Variants in DAB1 observed in about 807,000 individuals in gnomAD.
DAB1 encodes DAB adaptor protein 1, also known as disabled homolog 1.
A neutral mutation model predicts 64.6 loss-of-function variants in DAB1; 15 were observed. The ratio of observed to expected loss-of-function variants is 0.23; its 90% confidence interval spans 0.16 to 0.36. The LOEUF (loss-of-function observed/expected upper bound fraction) is 0.36. DAB1 is among the 10% of genes least tolerant of loss of function. The pLI, the probability that DAB1 is intolerant of heterozygous loss-of-function variation, is 1.00. For synonymous variants in DAB1, 235 were observed against 251.9 expected (o/e 0.93, Z 0.64); for missense variants, 596 against 706.7 (o/e 0.84, Z 1.78).
chr1:57,615,095 C>A (rs1645775926), intron 7 of DAB1, among the ~76,000 whole-genome samples: 1 of 152,016 alleles, frequency 6.6e-6, no homozygotes, highest in Non-Finnish European at 1.5e-5. Flanking sequence ...TGGTCTTGAT[C>A]TCCTGACCTC....
At chr1:58,134,982 A>C (rs999150265) in intron 5 of DAB1, among the ~76,000 whole-genome samples, 1 of 152,222 alleles carries the variant, frequency 6.6e-6, no homozygotes, top group African/African-American at 2.4e-5. Flanking sequence ...AGCTGGCTTC[A>C]TGTGGAGATG....
chr1:57,318,000 AT>A (rs1317056955), intron 1 of DAB1, among the ~76,000 whole-genome samples: 1 of 152,084 alleles, frequency 6.6e-6, no homozygotes, highest in Admixed American at 6.6e-5. Context: ...TTTACAGTCA[AT>A]GCCATTTGTA....
chr1:58,489,895 G>A (rs541361765), intron 3 of DAB1, among the ~76,000 whole-genome samples: 1 of 152,244 alleles, frequency 6.6e-6, no homozygotes, highest in African/African-American at 2.4e-5. Context: ...ACTGTTAGAA[G>A]GAAAACTAAC....
At chr1:57,155,554 A>AT (rs1013667146) in intron 2 of DAB1, among the ~76,000 whole-genome samples, 33 of 147,934 alleles carry the variant, frequency 2.2e-4, no homozygotes, top group East Asian at 8.0e-4. Flanking sequence ...AAATTTTAGG[A>AT]TTTTTTTTTC....
chr1:58,379,208 CA>C (rs554564228), intron 3 of DAB1, among the ~76,000 whole-genome samples: 2 of 152,046 alleles, frequency 1.3e-5, no homozygotes, highest in South Asian at 4.2e-4. Context: ...TCCTCCCCCC[CA>C]GCTTACTATT....
At chr1:57,799,140 T>C (rs1033005861) in intron 6 of DAB1, among the ~76,000 whole-genome samples, 1 of 152,176 alleles carries the variant, frequency 6.6e-6, no homozygotes, top group Non-Finnish European at 1.5e-5. Flanking sequence ...TGGGTATACA[T>C]TTTTATCAAA....
chr1:57,779,274 G>A (rs1649956979), intron 6 of DAB1, among the ~76,000 whole-genome samples: 1 of 152,042 alleles, frequency 6.6e-6, no homozygotes, highest in African/African-American at 2.4e-5. Flanking sequence ...AGAAGAATCA[G>A]CAACTGCAAG....
intron 3 of DAB1, among the ~76,000 whole-genome samples, chr1:58,413,210 T>C (rs1157976590): frequency 6.6e-6 from 1 of 152,232 alleles, no homozygotes; most frequent in Non-Finnish European, 1.5e-5. Flanking sequence ...GGCAAGATGT[T>C]AGTCCAAGGG....
chr1:58,525,796 A>T lies in DAB1; in HGVS notation n.107+1465T>A, dbSNP rs559831674. The stretch of plus-strand genomic sequence containing the variant: ...CTGCAGAACAACACTGGAGGACAGA[A>T]GCTTCAGGTATCAACACTTACTACA... On this transcript the variant is annotated intron_variant and non_coding_transcript_variant, in intron 2 of 20. Transcript: ENST00000485760. 7.2e-5 allele frequency among the ~76,000 whole-genome samples: 11 copies of T among 152,250 alleles called. No individual in the cohort carries two copies. The South Asian group carries it at 2.3e-3, about 32-fold the overall frequency.
chr1:57,620,517 T>C (rs1354162517), intron 7 of DAB1, among the ~76,000 whole-genome samples: 1 of 152,220 alleles, frequency 6.6e-6, no homozygotes, highest in Non-Finnish European at 1.5e-5. Flanking sequence ...ATAGAGTGTT[T>C]CCCATGAGGG....
intron 5 of DAB1, among the ~76,000 whole-genome samples, chr1:57,975,748 T>G (rs1324838715): frequency 6.6e-6 from 1 of 152,166 alleles, no homozygotes; most frequent in Non-Finnish European, 1.5e-5. Flanking sequence ...TTCTAGATGA[T>G]TATGATGCAC....
intron 2 of DAB1, among the ~76,000 whole-genome samples, chr1:58,520,106 G>C (rs1646239085): frequency 6.6e-6 from 1 of 152,116 alleles, no homozygotes; most frequent in Admixed American, 6.6e-5. Flanking sequence ...AGGGAAGGGG[G>C]AAGGAGGGGA....
chr1:57,963,138 C>T (rs1645567504), intron 5 of DAB1, among the ~76,000 whole-genome samples: 1 of 152,080 alleles, frequency 6.6e-6, no homozygotes, highest in East Asian at 1.9e-4. Context: ...GTGCTAGGTG[C>T]TGGATATATA....
intron 4 of DAB1, among the ~76,000 whole-genome samples, chr1:58,183,723 C>A (rs1656918566): frequency 6.6e-6 from 1 of 152,036 alleles, no homozygotes; most frequent in Non-Finnish European, 1.5e-5. Context: ...TGATTCTTCC[C>A]AGAAGTTGTT....
At chr1:58,448,055 T>C (rs1326043040) in intron 3 of DAB1, among the ~76,000 whole-genome samples, 1 of 152,080 alleles carries the variant, frequency 6.6e-6, no homozygotes, top group East Asian at 1.9e-4. Context: ...AGGCATCACA[T>C]AAGATAACAA....
At chr1:57,837,717 A>G (rs1403176314) in intron 1 of DAB1, among the ~76,000 whole-genome samples, 2 of 151,854 alleles carry the variant, frequency 1.3e-5, no homozygotes, top group Non-Finnish European at 2.9e-5. Context: ...TGCTTGATTC[A>G]TCTTTCTTGC....
intron 5 of DAB1, among the ~76,000 whole-genome samples, chr1:58,115,462 A>G (rs1482418235): frequency 4.3e-5 from 1 of 23,028 alleles, no homozygotes; most frequent in Non-Finnish European, 6.6e-5. Context: ...TAGAAATACC[A>G]TTTGACCCAG....
intron 4 of DAB1, among the ~76,000 whole-genome samples, chr1:58,226,328 G>A (rs954101043): frequency 2.6e-5 from 4 of 151,696 alleles, no homozygotes; most frequent in Admixed American, 1.3e-4. Flanking sequence ...AAGTGCTTTC[G>A]CATGTTATGG....
intron 4 of DAB1, among the ~76,000 whole-genome samples, chr1:58,265,904 C>T (rs1263606792): frequency 6.6e-6 from 1 of 152,068 alleles, no homozygotes; most frequent in Non-Finnish European, 1.5e-5. Flanking sequence ...AAATTTTGCC[C>T]AGCCCTCTCA....
Sources: gnomAD v4.1 joint callset for allele counts (sites outside exome capture counted in the v4.1 genomes callset) on GRCh38, gnomAD v4.1.1 for gene constraint, MANE v1.5 for transcripts, NCBI Gene and HGNC (gene_info 2026-07-23, HGNC 2026-07-21) for gene names.